Variants in FARS2 observed in about 807,000 individuals in gnomAD.
The protein encoded by FARS2 is phenylalanine--tRNA ligase, mitochondrial.
FARS2 carries 40 observed loss-of-function variants against 46.4 expected under a neutral mutation model. The observed-to-expected ratio is 0.86, with a 90% CI of 0.67 to 1.12. The LOEUF (loss-of-function observed/expected upper bound fraction) is 1.12, where lower values mean the gene tolerates loss of function less well. Among genes scored for constraint, FARS2 ranks in the 50% most tolerant of loss-of-function variants. The probability of loss-of-function intolerance (pLI) is 0.00; values close to 1 mark genes in which losing one functional copy is unlikely to be tolerated. For missense variants in FARS2, 513 were observed against 567.9 expected (o/e 0.90, Z 0.98); for synonymous variants, 234 against 214.9 (o/e 1.09, Z -0.78).
chr6:5,339,864 G>A (rs1378692463), intron 1 of FARS2, among the ~76,000 whole-genome samples: 1 of 152,212 alleles, frequency 6.6e-6, no homozygotes, highest in African/African-American at 2.4e-5. Context: ...GGCAAGCAGA[G>A]CTGTAAAAGC....
chr6:5,689,440 C>T (rs1033245971), intron 6 of FARS2, among the ~76,000 whole-genome samples: 1 of 152,034 alleles, frequency 6.6e-6, no homozygotes, highest in Non-Finnish European at 1.5e-5. Context: ...TTATTTCTGC[C>T]TTCATTTCGT....
At chr6:5,686,830 T>A (rs1757270198) in intron 6 of FARS2, among the ~76,000 whole-genome samples, 1 of 152,220 alleles carries the variant, frequency 6.6e-6, no homozygotes, top group African/African-American at 2.4e-5. Context: ...AGTGTGAAAG[T>A]GTTCCTATTT....
At chr6:5,433,847 C>T (rs566849689) in intron 4 of FARS2, among the ~76,000 whole-genome samples, 26 of 152,284 alleles carry the variant, frequency 1.7e-4, no homozygotes, top group Admixed American at 6.5e-4. Flanking sequence ...CTTCCTTGCA[C>T]GGTTTCCAAT....
chr6:5,307,861 C>G (rs1355561559), intron 1 of FARS2, among the ~76,000 whole-genome samples: 1 of 152,056 alleles, frequency 6.6e-6, no homozygotes, highest in East Asian at 1.9e-4. Flanking sequence ...AGCCTCAAGG[C>G]TCATGACCTG....
chr6:5,556,552 G>A (rs2150526177), intron 5 of FARS2, among the ~76,000 whole-genome samples: 1 of 151,892 alleles, frequency 6.6e-6, no homozygotes, highest in South Asian at 2.1e-4. Context: ...CCCTCTGCTT[G>A]TGTTCAAACC....
chr6:5,585,741 C>A (rs1318685349), intron 5 of FARS2, among the ~76,000 whole-genome samples: 1 of 151,750 alleles, frequency 6.6e-6, no homozygotes, highest in Admixed American at 6.6e-5. Flanking sequence ...GGAATACACA[C>A]ACATATATAC....
At chr6:5,726,622 G>A (rs957950365) in intron 6 of FARS2, among the ~76,000 whole-genome samples, 11 of 152,262 alleles carry the variant, frequency 7.2e-5, no homozygotes, top group African/African-American at 2.4e-4. Flanking sequence ...AAAAGTAAAG[G>A]AGGGAGCATG....
chr6:5,295,197 G>A lies in FARS2; in HGVS notation c.-22+33537G>A, dbSNP rs77895706. 6.4e-3 allele frequency among the ~76,000 whole-genome samples: 977 copies of A among 152,302 alleles called. 11 individuals carry two copies. The highest frequency in any genetic ancestry group is 0.044 in the South Asian group (214 of 4,828). ...CACGCTACACACCAAGCTATGTGCCGTCATATACGTTATATCCTCACAATA... is the reference window on the plus strand; with the variant it reads ...CACGCTACACACCAAGCTATGTGCCATCATATACGTTATATCCTCACAATA... On this transcript the variant is annotated intron_variant, in intron 1 of 6. Coordinates refer to ENST00000274680, the MANE Select transcript of FARS2 (RefSeq NM_006567.5).
At chr6:5,546,526 A>T (rs1771025952) in intron 5 of FARS2, among the ~76,000 whole-genome samples, 1 of 151,812 alleles carries the variant, frequency 6.6e-6, no homozygotes, top group South Asian at 2.1e-4. Context: ...CTGGGATTAC[A>T]GGAGTGAGCC....
At chr6:5,454,144 A>G (rs908344311) in intron 4 of FARS2, among the ~76,000 whole-genome samples, 10 of 151,322 alleles carry the variant, frequency 6.6e-5, no homozygotes, top group Non-Finnish European at 1.2e-4. Context: ...TTTTCAAAGC[A>G]GTATGCCTAG....
intron 5 of FARS2, among the ~76,000 whole-genome samples, chr6:5,549,711 A>T (rs1771258351): frequency 6.6e-6 from 1 of 152,232 alleles, no homozygotes; most frequent in African/African-American, 2.4e-5. Context: ...AAGGAAATGT[A>T]AATTTCCTGT....
Position 5,505,433 on chromosome 6 carries a change from G to T in FARS2, c.905-39747G>T, listed in dbSNP as rs1014091967. On this transcript the variant is annotated intron_variant, in intron 4 of 6. Coordinates refer to ENST00000274680, the MANE Select transcript of FARS2 (RefSeq NM_006567.5). The stretch of plus-strand genomic sequence containing the variant: ...GGAGGCAATCACACTTTTAGCCAGA[G>T]AATTTTGGATTTAAGAGAAGAAAGA... Among the ~76,000 whole-genome samples, 4 of 152,174 alleles carry T rather than the reference G, an allele frequency of 2.6e-5. 1 individual carries two copies. In the South Asian group the frequency reaches 8.3e-4, roughly 31 times the overall value.
chr6:5,507,823 A>T (rs1768189004), intron 4 of FARS2, among the ~76,000 whole-genome samples: 1 of 152,198 alleles, frequency 6.6e-6, no homozygotes, highest in Admixed American at 6.5e-5. Context: ...AGCAGGGGAG[A>T]AGAACTTAGA....
intron 6 of FARS2, among the ~76,000 whole-genome samples, chr6:5,642,119 T>G (rs761665459): frequency 3.3e-5 from 5 of 152,208 alleles, no homozygotes; most frequent in Non-Finnish European, 7.3e-5. Flanking sequence ...TACATATATG[T>G]ATGTGTATAT....
At chr6:5,721,857 G>A (rs1759930918) in intron 6 of FARS2, among the ~76,000 whole-genome samples, 1 of 152,190 alleles carries the variant, frequency 6.6e-6, no homozygotes, top group Non-Finnish European at 1.5e-5. Flanking sequence ...CCATGAAAAA[G>A]AGTTGCTGGT....
intron 2 of FARS2, among the ~76,000 whole-genome samples, chr6:5,394,822 AT>A (rs1267258683): frequency 4.6e-5 from 7 of 151,658 alleles, no homozygotes; most frequent in African/African-American, 1.5e-4. Context: ...ATATAAAAAG[AT>A]TTTTTTTCTT....
At chr6:5,626,450 C>T (rs1470071561) in intron 6 of FARS2, among the ~76,000 whole-genome samples, 4 of 152,162 alleles carry the variant, frequency 2.6e-5, no homozygotes, top group Non-Finnish European at 5.9e-5. Flanking sequence ...GGGGACACCA[C>T]CGTTGAGGCT....
intron 2 of FARS2, among the ~76,000 whole-genome samples, chr6:5,399,615 C>T (rs919503048): frequency 2.6e-5 from 4 of 152,192 alleles, no homozygotes; most frequent in South Asian, 4.1e-4. Context: ...GTTTCCACCA[C>T]CTCTGTGTAG....
intron 5 of FARS2, among the ~76,000 whole-genome samples, chr6:5,607,279 ATATGTATGTG>A: frequency 9.5e-6 from 1 of 105,160 alleles, no homozygotes; most frequent in East Asian, 3.4e-4. Flanking sequence ...TTAAAGAATA[ATATGTATGTG>A]TGTGTGTGTG....
Sources: gnomAD v4.1 joint callset for allele counts (sites outside exome capture counted in the v4.1 genomes callset) on GRCh38, gnomAD v4.1.1 for gene constraint, MANE v1.5 for transcripts, NCBI Gene and HGNC (gene_info 2026-07-23, HGNC 2026-07-21) for gene names.